The following RFX7 variants were observed in gnomAD, a reference collection of about 807,000 sequenced individuals.
The protein encoded by RFX7 is regulatory factor X7, also known as DNA-binding protein RFX7.
A neutral mutation model predicts 111.8 loss-of-function variants in RFX7; 26 were observed. The ratio of observed to expected loss-of-function variants is 0.23; its 90% CI spans 0.17 to 0.32. The LOEUF is 0.32. RFX7 is among the 10% of genes least tolerant of loss of function. RFX7 has a pLI of 1.00. For missense variants in RFX7, 1,573 were observed against 1,772.9 expected, an observed-to-expected ratio of 0.89 and a Z score of 2.02; for synonymous variants, 624 against 624.4, an observed-to-expected ratio of 1.00 and a Z score of 0.01.
chr15:56,118,172 ATTCT>A (rs2042033651), intron 5 of RFX7, among the ~76,000 whole-genome samples: 1 of 152,140 alleles, frequency 6.6e-6, no homozygotes. Flanking sequence ...TCGAGCATTT[ATTCT>A]TTGTGTTACC....
chr15:56,230,756 C>T (rs576809136), intron 2 of RFX7, among the ~76,000 whole-genome samples: 9 of 152,284 alleles, frequency 5.9e-5, no homozygotes, highest in Admixed American at 3.3e-4. Flanking sequence ...CAGTAGCTAA[C>T]GAATGTTTCA....
chr15:56,122,698 T>C (rs34386737), intron 5 of RFX7, among the ~76,000 whole-genome samples: 59,912 of 151,974 alleles, frequency 0.39, 11,905 homozygotes, highest in African/African-American at 0.42. Context: ...ACCTTAGAAA[T>C]CTACCTGGTG....
intron 3 of RFX7, 46 bp downstream of exon 3, chr15:56,179,223 TA>T: frequency 1.1e-6 from 1 of 946,594 alleles, no homozygotes; most frequent in Non-Finnish European, 1.5e-6. Context: ...TATATCGTCA[TA>T]AAAACCTTAT....
chr15:56,100,432 C>T (rs16976757), intron 8 of RFX7, among the ~76,000 whole-genome samples: 1,655 of 152,098 alleles, frequency 0.011, 22 homozygotes, highest in African/African-American at 0.032. Flanking sequence ...ACACATACAT[C>T]CCACATACTA....
At position 56,092,641 on chromosome 15, in the gene RFX7, T is replaced by C. The variant is rs1227155361; in HGVS notation, c.*704A>G. ...TGCGTGCCTGCGCATCTATGTGTGCTAGCTCCATATTAAAATCAACATTTA... is the reference window on the plus strand; with the variant it reads ...TGCGTGCCTGCGCATCTATGTGTGCCAGCTCCATATTAAAATCAACATTTA... On this transcript the variant is annotated 3_prime_UTR_variant, in exon 10 of 10. Transcript: ENST00000559447. 1 of 152,630 alleles carries C rather than the reference T, an allele frequency of 6.6e-6. No homozygotes were observed. Among genetic ancestry groups the C allele is most frequent in the Non-Finnish European group, 1.5e-5 (1 of 68,026 alleles). The allele number at this position is 152,630 out of a possible 1,614,324, so 9.5% of individuals were successfully genotyped here.
intron 2 of RFX7, among the ~76,000 whole-genome samples, chr15:56,180,440 A>G (rs2042956802): frequency 6.6e-6 from 1 of 152,214 alleles, no homozygotes; most frequent in South Asian, 2.1e-4. Flanking sequence ...TTTAGGTTTT[A>G]AAATCTCTTT....
intron 3 of RFX7, among the ~76,000 whole-genome samples, chr15:56,147,946 G>A (rs2042505818): frequency 6.6e-6 from 1 of 152,196 alleles, no homozygotes. Context: ...AAACTTAAAT[G>A]ACAAACAACA....
At chr15:56,135,887 G>C (rs1184853000) in intron 5 of RFX7, among the ~76,000 whole-genome samples, 1 of 152,124 alleles carries the variant, frequency 6.6e-6, no homozygotes, top group Non-Finnish European at 1.5e-5. Context: ...TTTCCCCATT[G>C]CTTGTTTTTC....
chr15:56,124,297 C>G (rs1346788139), intron 5 of RFX7, among the ~76,000 whole-genome samples: 1 of 152,044 alleles, frequency 6.6e-6, no homozygotes, highest in African/African-American at 2.4e-5. Flanking sequence ...TGACGGGCAC[C>G]TGTAGTCCCA....
At chr15:56,179,376 T>A in intron 2 of RFX7, 73 bp from the exon 3 acceptor site, 1 of 653,724 alleles carries the variant, frequency 1.5e-6, no homozygotes, top group South Asian at 2.0e-5. Context: ...CAAAAAGATG[T>A]GGTAATTTAG....
intron 2 of RFX7, among the ~76,000 whole-genome samples, chr15:56,182,507 G>T (rs1371137700): frequency 6.6e-6 from 1 of 152,054 alleles, no homozygotes; most frequent in Non-Finnish European, 1.5e-5. Context: ...AAACTTTCCA[G>T]TTGTTACTTC....
intron 5 of RFX7, among the ~76,000 whole-genome samples, chr15:56,135,373 G>A (rs1238346633): frequency 6.6e-6 from 1 of 152,204 alleles, no homozygotes; most frequent in African/African-American, 2.4e-5. Context: ...CAGTGATGAT[G>A]AGCATTTCTT....
chr15:56,153,364 G>T (rs2042602247), intron 3 of RFX7, among the ~76,000 whole-genome samples: 1 of 152,186 alleles, frequency 6.6e-6, no homozygotes, highest in Non-Finnish European at 1.5e-5. Flanking sequence ...TATCCACCAT[G>T]ATCAAGTTTG....
intron 2 of RFX7, among the ~76,000 whole-genome samples, chr15:56,241,472 A>C (rs558109228): frequency 5.3e-5 from 8 of 152,292 alleles, no homozygotes; most frequent in Non-Finnish European, 1.0e-4. Context: ...TGTCTCTCTT[A>C]AAAGATTTTA....
intron 5 of RFX7, among the ~76,000 whole-genome samples, chr15:56,127,239 C>T (rs1483907453): frequency 3.3e-5 from 5 of 151,288 alleles, no homozygotes; most frequent in African/African-American, 7.3e-5. Flanking sequence ...ATCAATGGAT[C>T]GAAAAAACAC....
At chr15:56,161,913 T>C (rs1319226063) in intron 3 of RFX7, among the ~76,000 whole-genome samples, 6 of 152,064 alleles carry the variant, frequency 3.9e-5, no homozygotes, top group African/African-American at 7.2e-5. Flanking sequence ...CATCTTCCCA[T>C]TGTTAAATTC....
At chr15:56,164,336 C>T (rs925931369) in intron 3 of RFX7, among the ~76,000 whole-genome samples, 1 of 152,132 alleles carries the variant, frequency 6.6e-6, no homozygotes, top group Non-Finnish European at 1.5e-5. Flanking sequence ...GCCATAAGCA[C>T]CAGATGCTTG....
At chr15:56,244,011 C>A (rs2043772435), upstream of RFX7, 1 of 150,650 alleles carries the variant, frequency 6.6e-6, no homozygotes. Context: ...GGCCAGCGGG[C>A]CAGGGAAGCG....
intron 2 of RFX7, among the ~76,000 whole-genome samples, chr15:56,217,418 CTT>C (rs768315071): frequency 8.4e-5 from 12 of 143,646 alleles, no homozygotes; most frequent in South Asian, 2.2e-4. Context: ...GCTGTTACAA[CTT>C]TTTTTTTTTT....
Sources: gnomAD v4.1 joint callset for allele counts (sites outside exome capture counted in the v4.1 genomes callset) on GRCh38, gnomAD v4.1.1 for gene constraint, MANE v1.5 for transcripts, NCBI Gene and HGNC (gene_info 2026-07-23, HGNC 2026-07-21) for gene names.